POFUT3: variants seen among roughly 807,000 people sequenced by gnomAD.
POFUT3 encodes the protein GDP-fucose protein O-fucosyltransferase 3.
chr8:33,423,829 AAAAAAAAAAAAAAAAAGAGCCAT>A, the POFUT3 span, among the ~76,000 whole-genome samples: 1 of 145,940 alleles, frequency 6.9e-6, no homozygotes, highest in East Asian at 2.5e-4. Flanking sequence ...AAAAAAAAAA[AAAAAAAAAAAAAAAAAGAGCCAT>A]TACTGGGCGG....
At chr8:33,429,550 T>G in the POFUT3 span, among the ~76,000 whole-genome samples, 1 of 152,022 alleles carries the variant, frequency 6.6e-6, no homozygotes, top group Non-Finnish European at 1.5e-5. Flanking sequence ...TTTCTATAAT[T>G]CATGGCAGAA....
At chr8:33,444,399 T>G in the POFUT3 span, among the ~76,000 whole-genome samples, 12,394 of 152,058 alleles carry the variant, frequency 0.082, 645 homozygotes, top group African/African-American at 0.15. Context: ...CGGTAAGGGA[T>G]AAGCATGGGC....
the POFUT3 span, among the ~76,000 whole-genome samples, chr8:33,380,040 G>GTATATATATACT: frequency 1.7e-5 from 1 of 59,394 alleles, no homozygotes; most frequent in African/African-American, 1.1e-4. Context: ...ATATATATAC[G>GTATATATATACT]ATATATATAC....
chr8:33,312,777 CT>C, the POFUT3 span, among the ~76,000 whole-genome samples: 1 of 152,124 alleles, frequency 6.6e-6, no homozygotes, highest in African/African-American at 2.4e-5. Context: ...CCATCCTTTC[CT>C]TTCATCTTTC....
At chr8:33,391,051 G>A in the POFUT3 span, among the ~76,000 whole-genome samples, 2 of 151,926 alleles carry the variant, frequency 1.3e-5, no homozygotes, top group Non-Finnish European at 2.9e-5. Flanking sequence ...ATAAGGAAAC[G>A]GGAAAAAATT....
the POFUT3 span, among the ~76,000 whole-genome samples, chr8:33,312,442 G>T: frequency 6.6e-6 from 1 of 152,094 alleles, no homozygotes. Flanking sequence ...TCTTCCCTAG[G>T]CCTTTAAAGA....
the POFUT3 span, among the ~76,000 whole-genome samples, chr8:33,328,567 C>G: frequency 0.26 from 39,269 of 151,708 alleles, 5,369 homozygotes; most frequent in South Asian, 0.5. Flanking sequence ...ATGGAGGGAA[C>G]AGTCAATGAG....
chr8:33,454,996 G>T, the POFUT3 span, among the ~76,000 whole-genome samples: 1 of 152,044 alleles, frequency 6.6e-6, no homozygotes, highest in Non-Finnish European at 1.5e-5. Flanking sequence ...CCTATGACAG[G>T]ATAATTACCT....
At chr8:33,317,949 G>T in the POFUT3 span, among the ~76,000 whole-genome samples, 13,623 of 152,004 alleles carry the variant, frequency 0.09, 1,143 homozygotes, top group African/African-American at 0.21. Flanking sequence ...TTCTCTGTTG[G>T]TTTCCCAGTA....
At chr8:33,441,069 G>A in the POFUT3 span, among the ~76,000 whole-genome samples, 5 of 151,982 alleles carry the variant, frequency 3.3e-5, no homozygotes, top group African/African-American at 4.8e-5. Flanking sequence ...AGTGGCTCAC[G>A]CCTGTAATCC....
At chr8:33,360,389 T>G in the POFUT3 span, among the ~76,000 whole-genome samples, 5 of 151,870 alleles carry the variant, frequency 3.3e-5, no homozygotes. Context: ...GAGCTTGCAG[T>G]GAGCCGAGAT....
chr8:33,380,232 A>ATATATATACAC, the POFUT3 span, among the ~76,000 whole-genome samples: 1 of 83,026 alleles, frequency 1.2e-5, no homozygotes, highest in African/African-American at 8.0e-5. Context: ...TATATATACT[A>ATATATATACAC]TATATATATA....
chr8:33,436,034 C>T, the POFUT3 span, among the ~76,000 whole-genome samples: 88 of 151,946 alleles, frequency 5.8e-4, no homozygotes, highest in Non-Finnish European at 1.1e-3. Flanking sequence ...TTTCTGCACA[C>T]AATGAGGCCT....
At chr8:33,436,021 C>T in the POFUT3 span, among the ~76,000 whole-genome samples, 1 of 152,052 alleles carries the variant, frequency 6.6e-6, no homozygotes, top group Non-Finnish European at 1.5e-5. Flanking sequence ...GCCCCCACCA[C>T]AGTTTCTGCA....
the POFUT3 span, among the ~76,000 whole-genome samples, chr8:33,461,081 G>A: frequency 6.6e-6 from 1 of 151,636 alleles, no homozygotes; most frequent in Non-Finnish European, 1.5e-5. Context: ...CTTGAACCCG[G>A]GAGGCAGAGG....
At chr8:33,426,648 C>T in the POFUT3 span, among the ~76,000 whole-genome samples, 1 of 152,194 alleles carries the variant, frequency 6.6e-6, no homozygotes, top group Non-Finnish European at 1.5e-5. Flanking sequence ...AAACTGTGCT[C>T]TCAGGTAATT....
chr8:33,363,227 CAA>C, the POFUT3 span, among the ~76,000 whole-genome samples: 1 of 152,128 alleles, frequency 6.6e-6, no homozygotes, highest in Non-Finnish European at 1.5e-5. Flanking sequence ...CCAATGAGAA[CAA>C]AGACACAACG....
the POFUT3 span, among the ~76,000 whole-genome samples, chr8:33,386,753 T>G: frequency 6.6e-6 from 1 of 152,192 alleles, no homozygotes; most frequent in South Asian, 2.1e-4. Flanking sequence ...GAGCTTGCAG[T>G]GAGCCGAGAT....
At chr8:33,308,210 A>T in the POFUT3 span, among the ~76,000 whole-genome samples, 3,816 of 152,296 alleles carry the variant, frequency 0.025, 168 homozygotes, top group African/African-American at 0.087. Context: ...TAAGATAAAG[A>T]TGTATACTAT....
Sources: gnomAD v4.1 joint callset for allele counts (sites outside exome capture counted in the v4.1 genomes callset) on GRCh38, gnomAD v4.1.1 for gene constraint, MANE v1.5 for transcripts, NCBI Gene and HGNC (gene_info 2026-07-23, HGNC 2026-07-21) for gene names.